The following ABCC9 variants were observed in gnomAD, a reference collection of about 807,000 sequenced individuals.
The protein encoded by ABCC9 is ATP binding cassette subfamily C member 9.
In ABCC9, 95 loss-of-function variants were observed where a neutral mutation model predicts 188.3. The observed-to-expected ratio is 0.50, with a 90% CI of 0.43 to 0.60. ABCC9 has a LOEUF of 0.60. Ranked by LOEUF, ABCC9 falls within the 20% of genes least tolerant of loss-of-function variation. ABCC9 has a pLI of 0.00. For synonymous variants in ABCC9, 659 were observed against 652.7 expected, an observed-to-expected ratio of 1.01 and a Z score of -0.15; for missense variants, 1,102 against 1,876.3, an observed-to-expected ratio of 0.59 and a Z score of 7.62.
intron 10 of ABCC9, among the ~76,000 whole-genome samples, chr12:21,909,271 C>CT (rs1005620096): frequency 1.5e-4 from 23 of 151,592 alleles, no homozygotes; most frequent in East Asian, 5.8e-4. Flanking sequence ...ATAATATACA[C>CT]TTTTTTTTGC....
intron 25 of ABCC9, 89 bp downstream of exon 25, chr12:21,848,061 A>C: frequency 1.7e-6 from 2 of 1,166,908 alleles, no homozygotes; most frequent in Non-Finnish European, 2.5e-6. Flanking sequence ...AAAGTGGCTT[A>C]TTATTCCTCA....
At chr12:21,906,419 A>G (rs1438768974) in intron 11 of ABCC9, 131 bp from the exon 12 acceptor site, 9 of 906,388 alleles carry the variant, frequency 9.9e-6, no homozygotes, top group Non-Finnish European at 1.7e-6. Context: ...TTAGGTTGTG[A>G]AGTTCCCAGG....
chr12:21,887,422 C>T (rs1408763284), intron 15 of ABCC9, among the ~76,000 whole-genome samples: 2 of 151,868 alleles, frequency 1.3e-5, no homozygotes, highest in Admixed American at 6.6e-5. Context: ...TAAAAAGAGA[C>T]AATGTAATAT....
Position 21,798,899 on chromosome 12 carries a change from A to G in ABCC9, c.*2145T>C, listed in dbSNP as rs1314583132. On this transcript the variant is annotated 3_prime_UTR_variant, in exon 40 of 40. Transcript: ENST00000261200. ...TAAGAAAATGTGGCACATATACACC[A>G]TGGAATACTATGCAGCCATACAAAA... The G allele has an allele frequency of 3.7e-3, 553 of 150,606 alleles. No individual in the cohort carries two copies. The highest frequency in any genetic ancestry group is 0.013 in the African/African-American group (521 of 40,834). The allele number at this position is 150,606 out of a possible 1,614,324, so 9.3% of individuals were successfully genotyped here. A position where few individuals can be genotyped will look rare whatever the true frequency, so the allele number is the denominator to read the frequency against.
At chr12:21,855,481 C>G (rs748757583) in intron 22 of ABCC9, among the ~76,000 whole-genome samples, 17 of 152,170 alleles carry the variant, frequency 1.1e-4, no homozygotes, top group Non-Finnish European at 2.5e-4. Context: ...CTCAGCCTCC[C>G]AAAGTGCTAG....
At chr12:21,865,116 G>T (rs1450529062) in intron 18 of ABCC9, among the ~76,000 whole-genome samples, 1 of 152,116 alleles carries the variant, frequency 6.6e-6, no homozygotes, top group South Asian at 2.1e-4. Flanking sequence ...TTCTTTTATT[G>T]TTCTAATTTT....
In ABCC9 at chr12:21,882,183, A is replaced by G. The variant is rs565896958; in HGVS notation, c.2019+583T>C. 3.9e-3 allele frequency among the ~76,000 whole-genome samples: 600 copies of G among 152,228 alleles called. 7 individuals carry two copies. The highest frequency in any genetic ancestry group is 0.013 in the African/African-American group (552 of 41,542). The stretch of plus-strand genomic sequence containing the variant: ...AGTTTCCAGGACTCTGGCAGCTCCC[A>G]TGGATGGAGGCCTTTGACTGCTGCC... On this transcript the variant is annotated intron_variant, in intron 16 of 39. Transcript: ENST00000261200.
At chr12:21,828,510 C>G (rs1172142026) in intron 31 of ABCC9, 1 of 247,880 alleles carries the variant, frequency 4.0e-6, no homozygotes, top group Non-Finnish European at 8.0e-6. Flanking sequence ...TTATGCAAGA[C>G]AGAAGGCAAC....
At chr12:21,860,317 G>T (rs1377548599) in intron 21 of ABCC9, among the ~76,000 whole-genome samples, 1 of 152,206 alleles carries the variant, frequency 6.6e-6, no homozygotes, top group Non-Finnish European at 1.5e-5. Context: ...CACAGAGCCA[G>T]ACTAATCCTG....
At chr12:21,936,797 C>T (rs1032831245) in intron 2 of ABCC9, 103 bp from the exon 3 acceptor site, 2 of 831,194 alleles carry the variant, frequency 2.4e-6, no homozygotes, top group Admixed American at 3.0e-5. Context: ...AAAATTAATC[C>T]CTTTTACTTT....
Position 21,910,904 on chromosome 12 carries a change from AAG to A in ABCC9, c.1084_1085del (p.Leu362TyrfsTer20), listed in dbSNP as rs1342496619. ...YVLAVLLFLA[L>X]ILQRTFLQAS... ...CCTGCAAAAATGTCCTTTGCAGAAT[AAG>A]AGCCAAGAAGAGAAGAACTGCTAGA... On this transcript the variant is annotated frameshift_variant, in exon 9 of 40. Transcript: ENST00000261200. LOFTEE classifies it high-confidence loss of function. The A allele has an allele frequency of 6.2e-7, 1 of 1,612,534 alleles. No homozygotes were observed. The highest frequency in any genetic ancestry group is 8.5e-7 in the Non-Finnish European group (1 of 1,178,956).
chr12:21,802,991 T>C (rs1941566593), intron 39 of ABCC9, among the ~76,000 whole-genome samples: 1 of 152,024 alleles, frequency 6.6e-6, no homozygotes, highest in Non-Finnish European at 1.5e-5. Context: ...TCAATACCCA[T>C]GACAAGCCTA....
At chr12:21,926,532 A>G (rs975381993) in intron 4 of ABCC9, among the ~76,000 whole-genome samples, 1 of 152,228 alleles carries the variant, frequency 6.6e-6, no homozygotes, top group Admixed American at 6.5e-5. Context: ...GGATGCAACC[A>G]TGAAGAAAAC....
At chr12:21,839,206 T>C (rs1944253843) in intron 29 of ABCC9, among the ~76,000 whole-genome samples, 1 of 152,146 alleles carries the variant, frequency 6.6e-6, no homozygotes, top group Non-Finnish European at 1.5e-5. Context: ...AAGTTTAAAA[T>C]AGGAAGTAGG....
chr12:21,899,611 C>CT (rs1387531897), intron 12 of ABCC9, among the ~76,000 whole-genome samples: 2 of 152,228 alleles, frequency 1.3e-5, no homozygotes, highest in Non-Finnish European at 2.9e-5. Flanking sequence ...CACTCCCACT[C>CT]TAATACTGTG....
At chr12:21,817,883 T>G (rs1396171417) in intron 32 of ABCC9, among the ~76,000 whole-genome samples, 13 of 152,032 alleles carry the variant, frequency 8.6e-5, no homozygotes, top group Non-Finnish European at 1.5e-5. Flanking sequence ...AAAATGAGAT[T>G]TTTTTCCCTT....
At chr12:21,866,794 C>T (rs1331589671) in intron 18 of ABCC9, among the ~76,000 whole-genome samples, 2 of 151,976 alleles carry the variant, frequency 1.3e-5, no homozygotes, top group Non-Finnish European at 2.9e-5. Context: ...TTGGTGAGAC[C>T]CTCTCATCCA....
intron 24 of ABCC9, 146 bp from the exon 25 acceptor site, chr12:21,848,392 A>G (rs1944793501): frequency 1.4e-6 from 1 of 719,632 alleles, no homozygotes; most frequent in Admixed American, 2.1e-5. Context: ...AACTCCTGTC[A>G]CAGAAACAGC....
chr12:21,932,470 A>C (rs1949328126), intron 4 of ABCC9, among the ~76,000 whole-genome samples: 1 of 152,160 alleles, frequency 6.6e-6, no homozygotes, highest in Admixed American at 6.5e-5. Flanking sequence ...CTATCAACAG[A>C]GTAAAAAGAC....
Sources: allele counts gnomAD v4.1 joint callset (sites outside exome capture counted in the v4.1 genomes callset), GRCh38; gene constraint gnomAD v4.1.1; transcripts MANE v1.5; gene names NCBI Gene and HGNC (gene_info 2026-07-23, HGNC 2026-07-21).